The following SIRPB1 variants were observed in gnomAD, a reference collection of about 807,000 sequenced individuals.
The protein encoded by SIRPB1 is signal-regulatory protein beta-1.
Under a neutral mutation model 34.1 loss-of-function variants are expected in SIRPB1, and 28 were observed. The observed-to-expected ratio is 0.82, with a 90% CI of 0.61 to 1.12. SIRPB1 has a LOEUF of 1.12. Ranked by LOEUF, SIRPB1 falls within the 50% of genes most tolerant of loss-of-function variation. The probability of loss-of-function intolerance (pLI) is 0.00; values close to 1 mark genes in which losing one functional copy is unlikely to be tolerated. For synonymous variants in SIRPB1, 211 were observed against 203.8 expected (o/e 1.04, Z -0.30); for missense variants, 499 against 507.0 (o/e 0.98, Z 0.15).
chr20:1,571,250 G>T (rs1039260985), intron 3 of SIRPB1, 113 bp from the exon 4 acceptor site: 2 of 1,096,414 alleles, frequency 1.8e-6, no homozygotes, highest in African/African-American at 1.6e-5. Flanking sequence ...ACAGTGCTAG[G>T]CAGGCAGCAG....
chr20:1,570,918 T>C lies in SIRPB1; in HGVS notation c.971A>G (p.Asp324Gly), dbSNP rs41297640. Residue 324 changes from aspartate to glycine, a missense_variant, in exon 4 of 6, where the codon GAC (aspartate) becomes GGC (glycine). By Grantham distance (94) the Asp-to-Gly change is moderately conservative. Coordinates refer to ENST00000381605, the MANE Select transcript of SIRPB1 (RefSeq NM_006065.5). ...WLLVNTCAHRDDVVLTCQVEH... is the reference protein window; with the variant it reads ...WLLVNTCAHRGDVVLTCQVEH... ...CACCTGACAGGTGAGCACCACATCG[T>C]CCCTGTGGGCACAGGTGTTCACCAG... 33,205 of 1,614,166 alleles carry C rather than the reference T, an allele frequency of 0.021. 400 individuals are homozygous for C. Among genetic ancestry groups the C allele is most frequent in the Non-Finnish European group, 0.025 (29,178 of 1,180,018 alleles).
intron 1 of SIRPB1, among the ~76,000 whole-genome samples, chr20:1,578,926 CTTCTG>C (rs947704446): frequency 5.4e-5 from 8 of 148,082 alleles, no homozygotes; most frequent in African/African-American, 2.0e-4. Flanking sequence ...TCCTTACTTT[CTTCTG>C]TTCTTTCTGT....
intron 4 of SIRPB1, among the ~76,000 whole-genome samples, chr20:1,568,833 GAA>G (rs1281125355): frequency 3.3e-5 from 5 of 151,360 alleles, no homozygotes; most frequent in Non-Finnish European, 7.4e-5. Context: ...AAAAAAGAGA[GAA>G]GAGAGCAGAT....
Position 1,564,487 on chromosome 20 carries a change from T to C in SIRPB1, c.*1013A>G, listed in dbSNP as rs188981426. ...TTGGGGAAGAAGCAGAGAAGTGATATGATTTGACTTTTCCAAAGAATCACT... is the reference window on the plus strand; with the variant it reads ...TTGGGGAAGAAGCAGAGAAGTGATACGATTTGACTTTTCCAAAGAATCACT... On this transcript the variant is annotated 3_prime_UTR_variant, in exon 6 of 6. Transcript: ENST00000381605. 6.4e-5 allele frequency: 10 copies of C among 156,822 alleles called. No individual in the cohort carries two copies. In the East Asian group the frequency reaches 1.8e-3, roughly 29 times the overall value. The allele number at this position is 156,822 out of a possible 1,614,324, so 9.7% of individuals were successfully genotyped here. A position where few individuals can be genotyped will look rare whatever the true frequency, so the allele number is the denominator to read the frequency against.
rs1165991101 is a variant in SIRPB1, at chr20:1,562,831, T to A, written c.*2669A>T. Among the ~76,000 whole-genome samples, 1 of 152,124 alleles carries A rather than the reference T, an allele frequency of 6.6e-6. No homozygotes were observed. Among genetic ancestry groups the A allele is most frequent in the African/African-American group, 2.4e-5 (1 of 41,418 alleles). On this transcript the variant is annotated 3_prime_UTR_variant, in exon 6 of 6. Coordinates refer to ENST00000381605, the MANE Select transcript of SIRPB1 (RefSeq NM_006065.5). ...TATGACATTTTACAGAAATGAATAA[T>A]TGAAAGAGGAATTTTGCAACCAAGA...
chr20:1,619,881 C>T lies in SIRPB1; in HGVS notation c.64G>A (p.Gly22Arg), dbSNP rs753864698. The T allele has an allele frequency of 6.2e-7, 1 of 1,613,506 alleles. No homozygotes were observed. The highest frequency in any genetic ancestry group is 8.5e-7 in the Non-Finnish European group (1 of 1,179,548). ...SPFLLMTLLL[G>R]RLTGVAGEDE... ...AGGCAGTGCTCACCTGTGAGTCTCC[C>T]CAGCAGTAGCGTCATCAGCAGGAAA... is the stretch of plus-strand genomic sequence containing the variant. Residue 22 changes from glycine (G) to arginine (R), a missense_variant, in exon 1 of 6, where the codon GGG becomes AGG. Gly to Arg is a moderately radical substitution (Grantham distance 125). Coordinates refer to ENST00000381605, the MANE Select transcript of SIRPB1 (RefSeq NM_006065.5).
At chr20:1,615,921 A>T (rs1199423905) in intron 1 of SIRPB1, among the ~76,000 whole-genome samples, 1 of 152,212 alleles carries the variant, frequency 6.6e-6, no homozygotes, top group Non-Finnish European at 1.5e-5. Flanking sequence ...GATTACTGTC[A>T]TTATTATGAC....
At chr20:1,566,131 G>A (rs1183233343) in intron 5 of SIRPB1, 22 bp downstream of exon 5, 1 of 1,520,370 alleles carries the variant, frequency 6.6e-7, no homozygotes, top group Non-Finnish European at 9.0e-7. Flanking sequence ...CCCTTGGTCA[G>A]TCCTCCCTCT....
At position 1,563,105 on chromosome 20, in the gene SIRPB1, C is replaced by A. The variant is rs529231091; in HGVS notation, c.*2395G>T. 4.3e-4 allele frequency among the ~76,000 whole-genome samples: 66 copies of A among 152,306 alleles called. No homozygotes were observed. Among genetic ancestry groups the A allele is most frequent in the African/African-American group, 1.5e-3 (64 of 41,572 alleles). ...AAAAAACTTCACATGAAAGGATCTTCTGGAGTGATTCCACAATATTGAAAA... is the reference window on the plus strand; with the variant it reads ...AAAAAACTTCACATGAAAGGATCTTATGGAGTGATTCCACAATATTGAAAA... On this transcript the variant is annotated 3_prime_UTR_variant, in exon 6 of 6. Coordinates refer to ENST00000381605, the MANE Select transcript of SIRPB1 (RefSeq NM_006065.5).
Position 1,587,871 on chromosome 20 carries a change from C to T in SIRPB1, c.77-9177G>A, listed in dbSNP as rs1409460439. 4.1e-5 allele frequency among the ~76,000 whole-genome samples: 2 copies of T among 48,864 alleles called. 1 individual carries two copies. Among genetic ancestry groups the T allele is most frequent in the Non-Finnish European group, 7.9e-5 (2 of 25,342 alleles). 32.1% of individuals were successfully genotyped at this position (48,864 alleles called of 152,430 possible). ...CTGCTGACACTTTGATCTTGGACTT[C>T]GGCTTCCATAACTGCAAGGAAGTAA... On this transcript the variant is annotated intron_variant, in intron 1 of 5. Coordinates refer to ENST00000381605, the MANE Select transcript of SIRPB1 (RefSeq NM_006065.5).
chr20:1,615,336 G>A (rs1445174357), intron 1 of SIRPB1, among the ~76,000 whole-genome samples: 1 of 152,062 alleles, frequency 6.6e-6, no homozygotes, highest in African/African-American at 2.4e-5. Context: ...ATTACAACAA[G>A]AAATTTCTGG....
At position 1,611,289 on chromosome 20, in the gene SIRPB1, A is replaced by G. The variant is rs2091559423; in HGVS notation, c.76+8580T>C. 2.7e-6 allele frequency: 2 copies of G among 736,174 alleles called. 1 individual carries two copies. The highest frequency in any genetic ancestry group is 5.4e-5 in the Admixed American group (2 of 36,910). 45.6% of individuals were successfully genotyped at this position (736,174 alleles called of 1,614,324 possible). On this transcript the variant is annotated intron_variant, in intron 1 of 5. Transcript: ENST00000381605. The stretch of plus-strand genomic sequence containing the variant: ...CACCACACCTGACTGTTGCTCTAAG[A>G]ATGGATAATGTAATTATTGAGTTAT...
At position 1,619,868 on chromosome 20, in the gene SIRPB1, C is replaced by T; in HGVS notation, c.76+1G>A. 6.2e-7 allele frequency: 1 copy of T among 1,610,870 alleles called. No individual in the cohort carries two copies. The highest frequency in any genetic ancestry group is 8.5e-7 in the Non-Finnish European group (1 of 1,177,298). ...AGATTTTAACCGAAGGCAGTGCTCA[C>T]CTGTGAGTCTCCCCAGCAGTAGCGT... On this transcript the variant is annotated splice_donor_variant, in intron 1 of 5. Coordinates refer to ENST00000381605, the MANE Select transcript of SIRPB1 (RefSeq NM_006065.5). LOFTEE classifies it high-confidence loss of function.
chr20:1,572,561 G>T (rs2122198397), intron 2 of SIRPB1, among the ~76,000 whole-genome samples: 1 of 151,516 alleles, frequency 6.6e-6, no homozygotes, highest in South Asian at 2.1e-4. Flanking sequence ...TACTTCCTGG[G>T]ATGTCGCCAG....
rs1422706179 is a variant in SIRPB1 at position 1,609,916 on chromosome 20, G to A, written c.76+9953C>T. Among the ~76,000 whole-genome samples, 2 of 72,974 alleles carry A rather than the reference G, an allele frequency of 2.7e-5. 1 individual carries two copies. The allele number at this position is 72,974 out of a possible 152,430, so 47.9% of individuals were successfully genotyped here. A position where few individuals can be genotyped will look rare whatever the true frequency, so the allele number is the denominator to read the frequency against. ...ACGCCACTTCCAGTGGGTGTCTCCC[G>A]CCTGAGTAGGGTGACACATGTACAA... On this transcript the variant is annotated intron_variant, in intron 1 of 5. Coordinates refer to ENST00000381605, the MANE Select transcript of SIRPB1 (RefSeq NM_006065.5).
At chr20:1,605,138 C>A (rs2091502709) in intron 1 of SIRPB1, 1 of 551,310 alleles carries the variant, frequency 1.8e-6, no homozygotes, top group Non-Finnish European at 2.4e-6. Flanking sequence ...ATGTTAAGAA[C>A]CTTCTGAGAC....
At chr20:1,567,790 T>C (rs2091162558) in intron 4 of SIRPB1, among the ~76,000 whole-genome samples, 1 of 152,228 alleles carries the variant, frequency 6.6e-6, no homozygotes, top group African/African-American at 2.4e-5. Flanking sequence ...GTGTTAGCTG[T>C]TGCTGGGCAT....
chr20:1,565,258 T>C lies in SIRPB1; in HGVS notation c.*242A>G, dbSNP rs979127421. ...GTTTAGATTTGGAGTGTTTCTCACC[T>C]TCTAGGGAGGTGCCATGAGTCAGTG... On this transcript the variant is annotated 3_prime_UTR_variant, in exon 6 of 6. Coordinates refer to ENST00000381605, the MANE Select transcript of SIRPB1 (RefSeq NM_006065.5). 1 of 380,920 alleles carries C rather than the reference T, an allele frequency of 2.6e-6. No homozygotes were observed. The highest frequency in any genetic ancestry group is 2.1e-5 in the African/African-American group (1 of 48,134). 23.6% of individuals were successfully genotyped at this position (380,920 alleles called of 1,614,324 possible).
chr20:1,611,328 G>C (rs764030204), intron 1 of SIRPB1: 1 of 837,210 alleles, frequency 1.2e-6, no homozygotes, highest in Non-Finnish European at 1.6e-6. Flanking sequence ...CACACACTAG[G>C]GGATGAAGGA....
Sources: gnomAD v4.1 joint callset for allele counts (sites outside exome capture counted in the v4.1 genomes callset) on GRCh38, gnomAD v4.1.1 for gene constraint, MANE v1.5 for transcripts, NCBI Gene and HGNC (gene_info 2026-07-23, HGNC 2026-07-21) for gene names.